Variants in RNF123 observed in about 807,000 individuals in gnomAD.
RNF123 encodes ring finger protein 123, also known as E3 ubiquitin-protein ligase RNF123.
RNF123 carries 86 observed loss-of-function variants against 168.5 expected under a neutral mutation model. The observed-to-expected ratio is 0.51, with a 90% confidence interval of 0.43 to 0.61. The LOEUF is 0.61. Among genes scored for constraint, RNF123 ranks in the 20% least tolerant of loss-of-function variants. The probability of loss-of-function intolerance (pLI) is 0.00; values close to 1 mark genes in which losing one functional copy is unlikely to be tolerated. For missense variants in RNF123, 1,419 were observed against 1,729.7 expected, an observed-to-expected ratio of 0.82 and a Z score of 3.19; for synonymous variants, 666 against 689.1, an observed-to-expected ratio of 0.97 and a Z score of 0.52.
Position 49,697,350 on chromosome 3 carries a change from C to G in RNF123, c.248-13C>G. 2 of 1,605,310 alleles carry G rather than the reference C, an allele frequency of 1.2e-6. No individual in the cohort carries two copies. Among genetic ancestry groups the G allele is most frequent in the Middle Eastern group, 1.7e-4 (1 of 6,012 alleles). On this transcript the variant is annotated splice_polypyrimidine_tract_variant and intron_variant, in intron 4 of 38. Coordinates refer to ENST00000327697, the MANE Select transcript of RNF123 (RefSeq NM_022064.5). ...TGCTCCACCCTGCCTGACCCCACCTCTCCTCTTTTCAGGACAGGTTGAAGG... is the reference window on the plus strand; with the variant it reads ...TGCTCCACCCTGCCTGACCCCACCTGTCCTCTTTTCAGGACAGGTTGAAGG...
In RNF123 at chr3:49,697,405, A is replaced by G; in HGVS notation, c.290A>G (p.Asp97Gly). 5 of 1,611,206 alleles carry G rather than the reference A, an allele frequency of 3.1e-6. No homozygotes were observed. The highest frequency in any genetic ancestry group is 4.2e-6 in the Non-Finnish European group (5 of 1,178,394). Reference protein sequence around the residue: ...GRLGPSTVVLDHTGGFEGLLL... With the variant: ...GRLGPSTVVLGHTGGFEGLLL... The stretch of plus-strand genomic sequence containing the variant: ...CTTGGCCCATCCACTGTGGTCCTGG[A>G]CCACACAGGCGGCTTTGAGGGGCTT... The change falls in exon 5 of 39, where the codon GAC becomes GGC. Residue 97 changes from aspartate (D) to glycine (G), a missense_variant. Coordinates refer to ENST00000327697, the MANE Select transcript of RNF123 (RefSeq NM_022064.5).
chr3:49,701,344 T>TG (rs2108184144), intron 15 of RNF123, 147 bp from the exon 16 acceptor site: 1 of 689,398 alleles, frequency 1.5e-6, no homozygotes, highest in Non-Finnish European at 2.6e-6. Context: ...GAGCATGCCC[T>TG]GGGGGTCAGA....
Position 49,715,598 on chromosome 3 carries a change from C to G in RNF123, c.3034C>G (p.Gln1012Glu), listed in dbSNP as rs2080225803. 1 of 1,613,830 alleles carries G rather than the reference C, an allele frequency of 6.2e-7. No individual in the cohort carries two copies. Among genetic ancestry groups the G allele is most frequent in the African/African-American group, 1.3e-5 (1 of 74,942 alleles). ...LQKPCPSTLLQQHMADLLQQG... is the reference protein window; with the variant it reads ...LQKPCPSTLLEQHMADLLQQG... ...AGAGCCCTGCCCTTCCACCCTGCTG[C>G]AGCAGCACATGGCGGACCTCCTACA... Residue 1012 changes from glutamine (Q) to glutamate (E), a missense_variant, in exon 32 of 39, where the codon CAG becomes GAG. Physicochemically the swap from Gln to Glu is conservative, Grantham distance 29 (BLOSUM62 2). Around this residue, in one of 5 missense-constraint regions of RNF123, gnomAD observed 538 missense variants for 708.8 expected, o/e 0.76. Coordinates refer to ENST00000327697, the MANE Select transcript of RNF123 (RefSeq NM_022064.5).
At chr3:49,702,472 C>T (rs1451326826) in intron 19 of RNF123, 67 bp downstream of exon 19, 3 of 1,600,370 alleles carry the variant, frequency 1.9e-6, no homozygotes, top group African/African-American at 1.3e-5. Flanking sequence ...GCCCTCAGCA[C>T]CTGGCACTTC....
chr3:49,705,868 C>T, intron 24 of RNF123, 114 bp from the exon 25 acceptor site: 1 of 1,439,982 alleles, frequency 6.9e-7, no homozygotes, highest in East Asian at 2.3e-5. Flanking sequence ...GGGAATGGGA[C>T]CGCCCTGGGC....
chr3:49,697,556 G>A (rs111954367), intron 5 of RNF123, 99 bp downstream of exon 5: 1 of 983,366 alleles, frequency 1.0e-6, no homozygotes, highest in South Asian at 1.7e-5. Context: ...CATCTGATGG[G>A]GCTGCAGCCA....
intron 35 of RNF123, chr3:49,717,099 A>G (rs889527004): frequency 1.3e-5 from 2 of 153,030 alleles, no homozygotes; most frequent in Non-Finnish European, 2.9e-5. Flanking sequence ...CAGCTCGGCC[A>G]TGCTCGCCAG....
rs199576148 is a variant in RNF123, at chr3:49,705,581, G to A, written c.2206G>A (p.Glu736Lys). 48 of 1,610,830 alleles carry A rather than the reference G, an allele frequency of 3.0e-5. No individual in the cohort carries two copies. The highest frequency in any genetic ancestry group is 1.7e-4 in the African/African-American group (13 of 74,662). ...NEGLLLGRPP[E>K]EPEQPLTENS... ...GGGCTTGCTGCTGGGGCGGCCCCCC[G>A]AGGAGCCTGAGCAGCCCCTCACCGA... The change falls in exon 24 of 39, where the codon GAG becomes AAG. Residue 736 changes from glutamate to lysine, a missense_variant. Glu to Lys is a moderately conservative substitution (Grantham distance 56). Transcript: ENST00000327697.
intron 5 of RNF123, 84 bp downstream of exon 5, chr3:49,697,541 C>G: frequency 5.3e-6 from 6 of 1,127,348 alleles, no homozygotes; most frequent in South Asian, 1.6e-5. Context: ...CCTAGTCTCT[C>G]TACTCATCTG....
chr3:49,719,060 C>T, intron 35 of RNF123: 1 of 1,613,838 alleles, frequency 6.2e-7, no homozygotes. Context: ...AGCAGCTTCT[C>T]CAGCGCCCCC....
intron 38 of RNF123, 26 bp downstream of exon 38, chr3:49,721,131 T>C: frequency 6.2e-7 from 1 of 1,613,968 alleles, no homozygotes. Context: ...AGCTTGGTGG[T>C]GGGGAGAGCA....
chr3:49,709,677 G>C (rs2108194030), intron 26 of RNF123, among the ~76,000 whole-genome samples: 1 of 152,160 alleles, frequency 6.6e-6, no homozygotes, highest in African/African-American at 2.4e-5. Context: ...GACCTCAGGT[G>C]ATTCGCCCGC....
chr3:49,714,994 C>G (rs11130219), intron 31 of RNF123, among the ~76,000 whole-genome samples: 2 of 152,108 alleles, frequency 1.3e-5, no homozygotes, highest in Non-Finnish European at 2.9e-5. Context: ...CAGGCCTGTC[C>G]TGCTGCTGCG....
At chr3:49,692,333 T>A (rs973164418) in intron 3 of RNF123, among the ~76,000 whole-genome samples, 1 of 152,260 alleles carries the variant, frequency 6.6e-6, no homozygotes, top group Non-Finnish European at 1.5e-5. Context: ...TTCTTTGTGT[T>A]ACATTTTTAA....
rs980813889 is a variant in RNF123 at position 49,713,580 on chromosome 3, G to A, written c.2742G>A (p.Val914=). 6.2e-7 allele frequency: 1 copy of A among 1,612,128 alleles called. No individual in the cohort carries two copies. The highest frequency in any genetic ancestry group is 1.3e-5 in the African/African-American group (1 of 75,026). Reference sequence around the variant, plus strand: ...AACACTTTGCCGACGCACGCATTGTGGGCACTGGTGAGGGGCCCCTACAGA... The same window carrying A: ...AACACTTTGCCGACGCACGCATTGTAGGCACTGGTGAGGGGCCCCTACAGA... ...LAKHFADARI[V]GTDIRDSLMQ... Residue 914 remains valine, a synonymous_variant, in exon 28 of 39, where the codon GTG becomes GTA. Coordinates refer to ENST00000327697, the MANE Select transcript of RNF123 (RefSeq NM_022064.5).
chr3:49,697,125 G>C lies in RNF123; in HGVS notation c.168-18G>C, dbSNP rs1559671535. ...TTCAAGGACTTGTGGACCCCTGGCA[G>C]CCTCTCACTCTCCCCAGGAAACCCC... On this transcript the variant is annotated intron_variant, in intron 3 of 38. Coordinates refer to ENST00000327697, the MANE Select transcript of RNF123 (RefSeq NM_022064.5). The C allele has an allele frequency of 6.2e-7, 1 of 1,607,510 alleles. No individual in the cohort carries two copies. Among genetic ancestry groups the C allele is most frequent in the South Asian group, 1.1e-5 (1 of 90,794 alleles).
intron 26 of RNF123, among the ~76,000 whole-genome samples, chr3:49,712,247 T>C (rs137961367): frequency 2.2e-4 from 33 of 151,994 alleles, no homozygotes; most frequent in Non-Finnish European, 4.1e-4. Context: ...ACAAATATGC[T>C]GACCAGAGTT....
rs895541895 is a variant in RNF123, at chr3:49,721,233, C to T, written c.3873C>T (p.Cys1291=). The change falls in exon 39 of 39, where the codon TGC becomes TGT. Residue 1291 remains cysteine (C), a synonymous_variant. Transcript: ENST00000327697. ...HLMNNKDCFF[C]KTTIVSVEDW... ...TGAACAACAAGGACTGCTTCTTCTG[C>T]AAAACCACCATCGTGTCTGTAGAGG... 2 of 1,614,106 alleles carry T rather than the reference C, an allele frequency of 1.2e-6. No individual in the cohort carries two copies. The highest frequency in any genetic ancestry group is 2.7e-5 in the African/African-American group (2 of 74,932).
intron 21 of RNF123, 27 bp downstream of exon 21, chr3:49,703,555 C>G: frequency 1.3e-6 from 2 of 1,587,306 alleles, no homozygotes; most frequent in South Asian, 2.2e-5. Context: ...GGGCCGGGAG[C>G]AGTTCTGGGG....
Sources: allele counts gnomAD v4.1 joint callset (sites outside exome capture counted in the v4.1 genomes callset), GRCh38; gene constraint gnomAD v4.1.1; regional missense constraint gnomAD v4.1.1; transcripts MANE v1.5; gene names NCBI Gene and HGNC (gene_info 2026-07-23, HGNC 2026-07-21).